The following ADGB variants were observed in gnomAD, a reference collection of about 807,000 sequenced individuals.
The protein encoded by ADGB is calpain-7-like protein.
ADGB carries 172 observed loss-of-function variants against 210.5 expected under a neutral mutation model. The ratio of observed to expected loss-of-function variants is 0.82; its 90% CI spans 0.72 to 0.93. The LOEUF is 0.93. Among genes scored for constraint, ADGB ranks in the 40% least tolerant of loss-of-function variants. ADGB has a pLI of 0.00. For synonymous variants in ADGB, 658 were observed against 662.7 expected (o/e 0.99, Z 0.11); for missense variants, 2,025 against 1,964.8 (o/e 1.03, Z -0.58).
rs1562299464 is a variant in ADGB, at chr6:146,782,192, G to A, written c.4035G>A (p.Gln1345=). 8.6e-6 allele frequency: 13 copies of A among 1,517,586 alleles called. No homozygotes were observed. Among genetic ancestry groups the A allele is most frequent in the Non-Finnish European group, 1.1e-5 (13 of 1,136,494 alleles). The allele number at this position is 1,517,586 out of a possible 1,614,324, so 94.0% of individuals were successfully genotyped here. The change falls in exon 30 of 36, where the codon CAG becomes CAA. Residue 1345 remains glutamine, a splice_region_variant and synonymous_variant. Transcript: ENST00000397944. ...AACAAGCACCTCGCTTTGAGCCTCA[G>A]GTGGGTGTGGAATTTTTTTTATTTG... ...KEKQAPRFEP[Q]ISTVHPQQED...
At chr6:146,785,146 T>TTGC (rs1442358412) in intron 31 of ADGB, among the ~76,000 whole-genome samples, 1 of 152,140 alleles carries the variant, frequency 6.6e-6, no homozygotes, top group East Asian at 1.9e-4. Context: ...TTACTACACT[T>TTGC]TGCGCAGCCT....
intron 1 of ADGB, among the ~76,000 whole-genome samples, chr6:146,617,929 A>T (rs1780828339): frequency 6.6e-6 from 1 of 151,984 alleles, no homozygotes; most frequent in African/African-American, 2.4e-5. Context: ...AATCCCCAAA[A>T]CCTTAAATAC....
Position 146,724,293 on chromosome 6 carries a change from G to A in ADGB, c.2203G>A (p.Ala735Thr), listed in dbSNP as rs1424413392. 3 of 1,548,950 alleles carry A rather than the reference G, an allele frequency of 1.9e-6. No individual in the cohort carries two copies. Among genetic ancestry groups the A allele is most frequent in the African/African-American group, 2.7e-5 (2 of 72,864 alleles). ...TCTTGTTCTGAAGATTCACACATAT[G>A]CTACCAAGGCTACAGTGGTTCGTCT... The part of the protein sequence containing the change: ...GSLVLKIHTY[A>T]TKATVVRLPV... Residue 735 changes from alanine to threonine, a missense_variant, in exon 18 of 36, where the codon GCT becomes ACT. Transcript: ENST00000397944.
chr6:146,607,602 G>T (rs887917520), intron 1 of ADGB, among the ~76,000 whole-genome samples: 1 of 152,078 alleles, frequency 6.6e-6, no homozygotes, highest in South Asian at 2.1e-4. Flanking sequence ...TAATGTGAAG[G>T]TGTAACAGAT....
chr6:146,689,001 C>A (rs554531637), intron 10 of ADGB, among the ~76,000 whole-genome samples: 5 of 152,106 alleles, frequency 3.3e-5, no homozygotes, highest in Non-Finnish European at 5.9e-5. Context: ...ATTACATTAT[C>A]CAACTTCTTT....
rs774118877 is a variant in ADGB at position 146,784,744 on chromosome 6, C to T, written c.4162C>T (p.Arg1388Ter). ...GGATACAGAAAGGGCAGATGAAATCCGAGCCATGAAACAAGCCTGGGAGAC... is the reference window on the plus strand; with the variant it reads ...GGATACAGAAAGGGCAGATGAAATCTGAGCCATGAAACAAGCCTGGGAGAC... ...KKDTERADEI[R>*]AMKQAWETTE... Residue 1388 changes from arginine to a stop codon, truncating the protein, a stop_gained, in exon 31 of 36, where the codon CGA (arginine) becomes TGA (stop). Transcript: ENST00000397944. LOFTEE classifies it high-confidence loss of function. The T allele has an allele frequency of 2.8e-5, 43 of 1,550,412 alleles. No individual in the cohort carries two copies. The highest frequency in any genetic ancestry group is 3.6e-5 in the Non-Finnish European group (41 of 1,146,448).
Position 146,676,419 on chromosome 6 carries a change from C to T in ADGB, c.1194C>T (p.Tyr398=), listed in dbSNP as rs758381794. ...HGSRPSSEVQ[Y]SVQSLSDCSS... ...CAAGACCCTCATCAGAAGTGCAGTA[C>T]TCTGTGCAGTCCCTATCAGATTGTA... The change falls in exon 9 of 36, where the codon TAC becomes TAT. Residue 398 remains tyrosine (Y), a synonymous_variant. Coordinates refer to ENST00000397944, the MANE Select transcript of ADGB (RefSeq NM_024694.4). 37 of 1,533,226 alleles carry T rather than the reference C, an allele frequency of 2.4e-5. No individual in the cohort carries two copies. The highest frequency in any genetic ancestry group is 5.3e-6 in the Non-Finnish European group (6 of 1,137,536). The allele number at this position is 1,533,226 out of a possible 1,614,324, so 95.0% of individuals were successfully genotyped here.
At chr6:146,786,170 T>TAATATTATAA in intron 32 of ADGB, among the ~76,000 whole-genome samples, 1 of 4,208 alleles carries the variant, frequency 2.4e-4, no homozygotes, top group South Asian at 3.3e-3. Context: ...AGTTAGTATA[T>TAATATTATAA]ATATATATTT....
chr6:146,802,063 A>G, intron 35 of ADGB, 52 bp downstream of exon 35: 2 of 1,199,746 alleles, frequency 1.7e-6, no homozygotes, highest in Non-Finnish European at 2.2e-6. Flanking sequence ...CTTTCGTAAC[A>G]TTAAAAAGAA....
chr6:146,702,414 A>T (rs1776503434), intron 13 of ADGB, among the ~76,000 whole-genome samples: 1 of 151,870 alleles, frequency 6.6e-6, no homozygotes, highest in African/African-American at 2.4e-5. Context: ...TATTTTTGGA[A>T]TTTGAAAAAT....
intron 13 of ADGB, among the ~76,000 whole-genome samples, chr6:146,701,813 C>T (rs1171366824): frequency 6.6e-6 from 1 of 151,908 alleles, no homozygotes; most frequent in Non-Finnish European, 1.5e-5. Flanking sequence ...GCTATAGTTA[C>T]CTAGCTATAT....
intron 13 of ADGB, 118 bp downstream of exon 13, chr6:146,701,188 A>T (rs1776484671): frequency 8.7e-7 from 1 of 1,148,064 alleles, no homozygotes. Flanking sequence ...AACAGTATAA[A>T]GAATAGTGTT....
intron 16 of ADGB, among the ~76,000 whole-genome samples, chr6:146,719,523 G>A (rs1776786010): frequency 6.6e-6 from 1 of 152,176 alleles, no homozygotes; most frequent in South Asian, 2.1e-4. Flanking sequence ...GGCCTGAAAG[G>A]AAGGATCAGC....
chr6:146,799,726 A>G (rs1202232362), intron 33 of ADGB, among the ~76,000 whole-genome samples: 1 of 152,006 alleles, frequency 6.6e-6, no homozygotes, highest in African/African-American at 2.4e-5. Flanking sequence ...ATGTGTGTGT[A>G]GGAGGAAGGG....
At chr6:146,811,964 G>A (rs1346281651) in intron 35 of ADGB, among the ~76,000 whole-genome samples, 2 of 151,978 alleles carry the variant, frequency 1.3e-5, no homozygotes, top group Non-Finnish European at 2.9e-5. Context: ...GTGAGCCACC[G>A]TGCCCAGCCT....
At chr6:146,730,418 A>C (rs1277095214) in intron 20 of ADGB, among the ~76,000 whole-genome samples, 1 of 152,198 alleles carries the variant, frequency 6.6e-6, no homozygotes, top group Non-Finnish European at 1.5e-5. Flanking sequence ...ACATACCATC[A>C]AGATAAGCAA....
At chr6:146,703,797 A>G (rs1776528442) in intron 13 of ADGB, among the ~76,000 whole-genome samples, 4 of 151,638 alleles carry the variant, frequency 2.6e-5, no homozygotes, top group Admixed American at 2.0e-4. Flanking sequence ...TCTTTGACAC[A>G]CTGATTTCAT....
At chr6:146,739,077 A>C (rs891316776) in intron 23 of ADGB, among the ~76,000 whole-genome samples, 28 of 152,162 alleles carry the variant, frequency 1.8e-4, no homozygotes, top group Admixed American at 3.3e-4. Flanking sequence ...TACATTCATT[A>C]AACGGGTAGA....
chr6:146,784,444 G>T (rs1183981436), intron 30 of ADGB, among the ~76,000 whole-genome samples, 174 bp from the exon 31 acceptor site: 4 of 152,012 alleles, frequency 2.6e-5, no homozygotes, highest in Non-Finnish European at 4.4e-5. Flanking sequence ...TTGGTTTTTT[G>T]TGTGTATTAT....
Sources: allele counts gnomAD v4.1 joint callset (sites outside exome capture counted in the v4.1 genomes callset), GRCh38; gene constraint gnomAD v4.1.1; transcripts MANE v1.5; gene names NCBI Gene and HGNC (gene_info 2026-07-23, HGNC 2026-07-21).